Variants in PTPRN2 observed in about 807,000 individuals in gnomAD.
The protein encoded by PTPRN2 is receptor-type tyrosine-protein phosphatase N2.
Under a neutral mutation model 118.8 loss-of-function variants are expected in PTPRN2, and 74 were observed. The observed-to-expected ratio is 0.62, with a 90% CI of 0.52 to 0.76. PTPRN2 has a LOEUF of 0.76. Among genes scored for constraint, PTPRN2 ranks in the 30% least tolerant of loss-of-function variants. The pLI is 0.00. For synonymous variants in PTPRN2, 641 were observed against 608.0 expected (o/e 1.05, Z -0.80); for missense variants, 1,481 against 1,394.4 (o/e 1.06, Z -0.99).
chr7:158,440,920 G>A (rs1482178035), intron 2 of PTPRN2, among the ~76,000 whole-genome samples: 7 of 148,320 alleles, frequency 4.7e-5, no homozygotes, highest in Non-Finnish European at 7.4e-5. Context: ...GATGATGGTA[G>A]TGATAGTGGT....
At position 157,656,444 on chromosome 7, in the gene PTPRN2, G is replaced by A; in HGVS notation, c.2109C>T (p.Pro703=). Residue 703 remains proline (P), a synonymous_variant, in exon 14 of 23, where the codon CCC becomes CCT. Coordinates refer to ENST00000389418, the MANE Select transcript of PTPRN2 (RefSeq NM_002847.5). ...AGGCGCTGCTGCGTGCGGAGGGGCT[G>A]GGGATCGGCCCGTCGCTGAACTGGG... ...VSSQFSDGPI[P]SPSARSSASS... 6.4e-7 allele frequency: 1 copy of A among 1,554,492 alleles called. No individual in the cohort carries two copies. Among genetic ancestry groups the A allele is most frequent in the Non-Finnish European group, 8.7e-7 (1 of 1,149,830 alleles).
intron 11 of PTPRN2, among the ~76,000 whole-genome samples, chr7:158,065,422 G>A (rs1810691228): frequency 6.6e-6 from 1 of 152,382 alleles, no homozygotes; most frequent in East Asian, 1.9e-4. Context: ...GTGAGCAGGG[G>A]CATGGTTTGC....
intron 2 of PTPRN2, among the ~76,000 whole-genome samples, chr7:158,336,789 G>A (rs1381863693): frequency 4.0e-5 from 4 of 99,582 alleles, no homozygotes; most frequent in Non-Finnish European, 9.0e-5. Context: ...ACCTGCAGAC[G>A]TCACTCACAT....
chr7:158,403,680 G>A (rs910192740), intron 2 of PTPRN2, among the ~76,000 whole-genome samples: 3 of 152,186 alleles, frequency 2.0e-5, no homozygotes, highest in Non-Finnish European at 4.4e-5. Flanking sequence ...CCGGGACTGC[G>A]AGTGCCTGGG....
intron 2 of PTPRN2, among the ~76,000 whole-genome samples, chr7:158,392,593 G>T (rs1487384520): frequency 2.0e-5 from 3 of 152,160 alleles, no homozygotes; most frequent in African/African-American, 7.2e-5. Context: ...TTGTGTCCGT[G>T]GGGGAGGAGT....
chr7:158,149,221 G>T lies in PTPRN2; in HGVS notation c.911-10706C>A, dbSNP rs1467838313. Among the ~76,000 whole-genome samples the T allele has an allele frequency of 2.0e-5, 3 of 151,230 alleles. No individual in the cohort carries two copies. In the South Asian group the frequency reaches 6.2e-4, roughly 31 times the overall value. ...AGTGCACGAGTGTCTGGGCTGACCT[G>T]CTCTCCAAGCTGGCACCAATTATAG... On this transcript the variant is annotated intron_variant, in intron 6 of 22. Transcript: ENST00000389418.
chr7:157,841,250 A>G (rs1239968251), intron 12 of PTPRN2, among the ~76,000 whole-genome samples: 1 of 152,174 alleles, frequency 6.6e-6, no homozygotes, highest in Non-Finnish European at 1.5e-5. Flanking sequence ...AAGCTTCTTC[A>G]CCGCCTTCAC....
chr7:157,802,028 C>T (rs1266122954), intron 12 of PTPRN2, among the ~76,000 whole-genome samples: 2 of 152,186 alleles, frequency 1.3e-5, no homozygotes, highest in South Asian at 2.1e-4. Flanking sequence ...CTTCGTCCAC[C>T]GTGAAACCCG....
In PTPRN2 at chr7:158,216,263, C is replaced by A. The variant is rs550834670; in HGVS notation, c.278-10990G>T. Among the ~76,000 whole-genome samples, 180 of 151,674 alleles carry A rather than the reference C, an allele frequency of 1.2e-3. 1 individual carries two copies. Among genetic ancestry groups the A allele is most frequent in the African/African-American group, 4.3e-3 (179 of 41,380 alleles). On this transcript the variant is annotated intron_variant, in intron 3 of 22. Coordinates refer to ENST00000389418, the MANE Select transcript of PTPRN2 (RefSeq NM_002847.5). Reference sequence around the variant, plus strand: ...CAAAAACATAGATAAAGTGGATTTCCAAAATCATTAAAGTAACTCAAAGGA... The same window carrying A: ...CAAAAACATAGATAAAGTGGATTTCAAAAATCATTAAAGTAACTCAAAGGA...
chr7:158,470,066 T>C (rs1367327290), intron 2 of PTPRN2, among the ~76,000 whole-genome samples: 1 of 152,238 alleles, frequency 6.6e-6, no homozygotes, highest in African/African-American at 2.4e-5. Flanking sequence ...AGCTGGGATC[T>C]GTCCTAGTGC....
intron 14 of PTPRN2, among the ~76,000 whole-genome samples, chr7:157,648,871 C>T (rs1204973393): frequency 7.9e-5 from 11 of 138,594 alleles, no homozygotes; most frequent in East Asian, 2.7e-4. Flanking sequence ...CTCGGTGGGT[C>T]GGACCCATCC....
At chr7:157,626,260 G>A (rs1236950653) in intron 14 of PTPRN2, among the ~76,000 whole-genome samples, 2 of 152,064 alleles carry the variant, frequency 1.3e-5, no homozygotes, top group Non-Finnish European at 2.9e-5. Context: ...TGGCGTTTCT[G>A]GTGCAAAATA....
At chr7:158,578,526 C>T (rs1400463086) in intron 1 of PTPRN2, among the ~76,000 whole-genome samples, 4 of 82,408 alleles carry the variant, frequency 4.9e-5, no homozygotes, top group East Asian at 5.0e-4. Flanking sequence ...CAGAGCCAGA[C>T]CCTGTCTCTG....
chr7:158,111,347 G>A (rs1046544537), intron 9 of PTPRN2, among the ~76,000 whole-genome samples: 11 of 152,200 alleles, frequency 7.2e-5, no homozygotes, highest in African/African-American at 2.7e-4. Flanking sequence ...TGTGAGCATG[G>A]AAACCAGGCA....
intron 1 of PTPRN2, among the ~76,000 whole-genome samples, chr7:158,534,973 C>A (rs754702208): frequency 2.0e-5 from 3 of 152,220 alleles, no homozygotes; most frequent in Non-Finnish European, 4.4e-5. Context: ...CCCAGAACTA[C>A]ACCTCAGTAT....
chr7:157,656,532 A>G lies in PTPRN2; in HGVS notation c.2021T>C (p.Met674Thr). ...AAYQELCRQRMATRPPDRPEG... is the reference protein window; with the variant it reads ...AAYQELCRQRTATRPPDRPEG... ...AGGTCGGTCTGGTGGCCGCGTGGCC[A>G]TACGCTGGCGGCACAGCTCCTGCAG... Residue 674 changes from methionine (M) to threonine (T), a missense_variant, in exon 14 of 23, where the codon ATG (methionine) becomes ACG (threonine). Physicochemically the swap from Met to Thr is moderately conservative, Grantham distance 81. Transcript: ENST00000389418. The G allele has an allele frequency of 1.3e-6, 2 of 1,544,564 alleles. No individual in the cohort carries two copies. The highest frequency in any genetic ancestry group is 1.2e-5 in the South Asian group (1 of 84,476).
chr7:157,719,853 T>C (rs1799136892), intron 12 of PTPRN2, among the ~76,000 whole-genome samples: 1 of 152,246 alleles, frequency 6.6e-6, no homozygotes, highest in African/African-American at 2.4e-5. Flanking sequence ...ATGTTACATA[T>C]GTTACCAGGA....
intron 1 of PTPRN2, among the ~76,000 whole-genome samples, chr7:158,560,596 G>A (rs956522269): frequency 6.6e-6 from 1 of 152,290 alleles, no homozygotes; most frequent in Non-Finnish European, 1.5e-5. Context: ...GGGACCGTGT[G>A]GCGGTTCCTC....
intron 11 of PTPRN2, among the ~76,000 whole-genome samples, chr7:157,999,745 C>A (rs185501328): frequency 6.3e-4 from 96 of 152,270 alleles, no homozygotes; most frequent in Admixed American, 2.0e-3. Flanking sequence ...GGGTCTGAGA[C>A]TTCACTGCAC....
Sources: gnomAD v4.1 joint callset for allele counts (sites outside exome capture counted in the v4.1 genomes callset) on GRCh38, gnomAD v4.1.1 for gene constraint, MANE v1.5 for transcripts, NCBI Gene and HGNC (gene_info 2026-07-23, HGNC 2026-07-21) for gene names.